C8orf34: variants seen among roughly 807,000 people sequenced by gnomAD.
C8orf34 encodes the protein uncharacterized protein C8orf34.
C8orf34 carries 65 observed loss-of-function variants against 68.3 expected under a neutral mutation model. The observed-to-expected ratio is 0.95, with a 90% CI of 0.78 to 1.17. The LOEUF is 1.17. C8orf34 is among the 50% of genes most tolerant of loss of function. C8orf34 has a pLI of 0.00. For synonymous variants in C8orf34, 244 were observed against 241.2 expected (o/e 1.01, Z -0.11); for missense variants, 664 against 655.4 (o/e 1.01, Z -0.14).
chr8:68,422,936 C>T (rs1198472494), intron 1 of C8orf34, among the ~76,000 whole-genome samples: 1 of 152,222 alleles, frequency 6.6e-6, no homozygotes, highest in African/African-American at 2.4e-5. Context: ...CGAGCTATAC[C>T]TTGGCCCCTT....
chr8:68,477,060 G>A (rs1475847159), intron 4 of C8orf34, among the ~76,000 whole-genome samples: 1 of 152,132 alleles, frequency 6.6e-6, no homozygotes, highest in Admixed American at 6.5e-5. Context: ...TGTCAGCTGG[G>A]CCTTGAAATC....
At chr8:68,744,213 C>G (rs1273468030) in intron 10 of C8orf34, among the ~76,000 whole-genome samples, 1 of 151,810 alleles carries the variant, frequency 6.6e-6, no homozygotes, top group Non-Finnish European at 1.5e-5. Context: ...GAAAGGACAT[C>G]CACACCAAAA....
chr8:68,726,092 A>G (rs555664440), intron 10 of C8orf34, among the ~76,000 whole-genome samples: 72 of 152,154 alleles, frequency 4.7e-4, no homozygotes, highest in Non-Finnish European at 8.1e-4. Context: ...TATTTTTAGT[A>G]GAGACCAGGT....
intron 7 of C8orf34, among the ~76,000 whole-genome samples, chr8:68,607,641 C>T (rs773517705): frequency 3.3e-5 from 5 of 152,070 alleles, no homozygotes; most frequent in African/African-American, 1.2e-4. Flanking sequence ...ACCTACTTGA[C>T]GTTCACTTTG....
At chr8:68,498,088 A>G (rs1213939890) in intron 5 of C8orf34, among the ~76,000 whole-genome samples, 1 of 152,076 alleles carries the variant, frequency 6.6e-6, no homozygotes, top group Non-Finnish European at 1.5e-5. Flanking sequence ...TCAGCCTCCC[A>G]AAGTGCTGGG....
intron 3 of C8orf34, among the ~76,000 whole-genome samples, chr8:68,453,651 T>G (rs1419145771): frequency 6.6e-6 from 1 of 152,038 alleles, no homozygotes; most frequent in East Asian, 1.9e-4. Flanking sequence ...ACTAGTTTAT[T>G]AGTTCTAACA....
At chr8:68,426,331 A>G (rs574531180) in intron 1 of C8orf34, among the ~76,000 whole-genome samples, 1 of 152,150 alleles carries the variant, frequency 6.6e-6, no homozygotes, top group East Asian at 1.9e-4. Flanking sequence ...CAGCCTGGCC[A>G]ACATGGTGAA....
intron 12 of C8orf34, among the ~76,000 whole-genome samples, chr8:68,801,995 A>C (rs2129529599): frequency 6.6e-6 from 1 of 152,256 alleles, no homozygotes; most frequent in Non-Finnish European, 1.5e-5. Context: ...TTCATACAAT[A>C]ATATATGATA....
intron 3 of C8orf34, among the ~76,000 whole-genome samples, chr8:68,466,997 G>A (rs1457125870): frequency 6.6e-6 from 1 of 151,548 alleles, no homozygotes; most frequent in Non-Finnish European, 1.5e-5. Context: ...AGTTTAAGTA[G>A]TACTATGAGA....
intron 7 of C8orf34, among the ~76,000 whole-genome samples, chr8:68,575,826 T>C (rs1586396565): frequency 2.6e-5 from 4 of 152,028 alleles, no homozygotes; most frequent in African/African-American, 9.7e-5. Flanking sequence ...AGTATTATCA[T>C]TGGCTCCTAG....
intron 3 of C8orf34, among the ~76,000 whole-genome samples, chr8:68,463,673 A>G (rs977141521): frequency 6.6e-6 from 1 of 152,250 alleles, no homozygotes; most frequent in African/African-American, 2.4e-5. Flanking sequence ...GCATATAAAC[A>G]GAATCAAAGA....
chr8:68,708,190 G>A (rs967110439), intron 8 of C8orf34, among the ~76,000 whole-genome samples: 3 of 152,014 alleles, frequency 2.0e-5, no homozygotes, highest in Admixed American at 6.6e-5. Context: ...GTATAATAGA[G>A]GGATGTGCAG....
intron 1 of C8orf34, among the ~76,000 whole-genome samples, chr8:68,355,029 A>C (rs1261012309): frequency 6.6e-6 from 1 of 152,150 alleles, no homozygotes; most frequent in Non-Finnish European, 1.5e-5. Context: ...ATAGCATCTT[A>C]ATATTTATTC....
At chr8:68,456,696 G>A (rs1023716486) in intron 3 of C8orf34, among the ~76,000 whole-genome samples, 3 of 152,116 alleles carry the variant, frequency 2.0e-5, no homozygotes, top group African/African-American at 7.2e-5. Context: ...TCATAGATAA[G>A]ATAAGTAGGT....
chr8:68,759,734 G>T (rs899396248), intron 10 of C8orf34, among the ~76,000 whole-genome samples: 1 of 152,158 alleles, frequency 6.6e-6, no homozygotes, highest in Non-Finnish European at 1.5e-5. Context: ...AAAATTCACT[G>T]AATTCTTAAG....
At chr8:68,488,201 T>C (rs533859074) in intron 5 of C8orf34, 150 bp downstream of exon 5, 39 of 564,100 alleles carry the variant, frequency 6.9e-5, no homozygotes, top group Middle Eastern at 4.7e-4. Context: ...TAAATGCATA[T>C]TGTTTTATGA....
intron 7 of C8orf34, among the ~76,000 whole-genome samples, chr8:68,627,342 G>A (rs1818566448): frequency 6.6e-6 from 1 of 152,006 alleles, no homozygotes; most frequent in Admixed American, 6.6e-5. Flanking sequence ...CTCCTCTGAC[G>A]TTGTCTCTAG....
At chr8:68,680,952 C>A (rs775152602) in intron 8 of C8orf34, among the ~76,000 whole-genome samples, 6 of 152,020 alleles carry the variant, frequency 3.9e-5, no homozygotes, top group Non-Finnish European at 8.8e-5. Context: ...CCCAGGAATG[C>A]ATTCCTTTCC....
chr8:68,717,586 T>A (rs1821513366), intron 9 of C8orf34, among the ~76,000 whole-genome samples: 2 of 152,204 alleles, frequency 1.3e-5, no homozygotes, highest in South Asian at 4.1e-4. Context: ...CACGGATATA[T>A]GAAGGTTATT....
Sources: gnomAD v4.1 joint callset for allele counts (sites outside exome capture counted in the v4.1 genomes callset) on GRCh38, gnomAD v4.1.1 for gene constraint, MANE v1.5 for transcripts, NCBI Gene and HGNC (gene_info 2026-07-23, HGNC 2026-07-21) for gene names.